The following CNNM4 variants were observed in gnomAD, a reference collection of about 807,000 sequenced individuals.
CNNM4 encodes the protein metal transporter CNNM4.
CNNM4 carries 32 observed loss-of-function variants against 53.7 expected under a neutral mutation model. The observed-to-expected ratio is 0.60, with a 90% confidence interval of 0.45 to 0.80. The LOEUF is 0.80. Among genes scored for constraint, CNNM4 ranks in the 30% least tolerant of loss-of-function variants. The probability of loss-of-function intolerance (pLI) is 0.00; values close to 1 mark genes in which losing one functional copy is unlikely to be tolerated. For missense variants in CNNM4, 784 were observed against 1,022.0 expected (o/e 0.77, Z 3.17); for synonymous variants, 410 against 440.0 (o/e 0.93, Z 0.85).
In CNNM4 at chr2:96,769,355, G is replaced by A. The variant is rs181363377; in HGVS notation, c.1402+6954G>A. ...AGGCTGAGGCAGGTGGATCACCTGAGGTCAGGAGTTCAAGACCAGCCTGAC... is the reference window on the plus strand; with the variant it reads ...AGGCTGAGGCAGGTGGATCACCTGAAGTCAGGAGTTCAAGACCAGCCTGAC... On this transcript the variant is annotated intron_variant, in intron 1 of 6. Coordinates refer to ENST00000377075, the MANE Select transcript of CNNM4 (RefSeq NM_020184.4). Among the ~76,000 whole-genome samples the A allele has an allele frequency of 4.2e-4, 64 of 151,916 alleles. No homozygotes were observed. In the East Asian group the frequency reaches 8.3e-3, roughly 20 times the overall value.
At chr2:96,807,253 C>T (rs141662530) in intron 5 of CNNM4, among the ~76,000 whole-genome samples, 289 of 152,244 alleles carry the variant, frequency 1.9e-3, no homozygotes, top group Non-Finnish European at 3.4e-3. Context: ...AAGCAATCTG[C>T]CCGCATCGGC....
In CNNM4 at chr2:96,801,832, C is replaced by T. The variant is rs188013572; in HGVS notation, c.1948+2184C>T. 1.3e-5 allele frequency among the ~76,000 whole-genome samples: 2 copies of T among 152,086 alleles called. No homozygotes were observed. Among genetic ancestry groups the T allele is most frequent in the East Asian group, 3.9e-4 (2 of 5,182 alleles). Reference sequence around the variant, plus strand: ...ACACACAGAAACACACATGCAGATACACCCATAGACACACAGATGCCACAG... The same window carrying T: ...ACACACAGAAACACACATGCAGATATACCCATAGACACACAGATGCCACAG... On this transcript the variant is annotated intron_variant, in intron 5 of 6. Transcript: ENST00000377075. The surrounding 1 kb of genome is among the most constrained non-coding windows in gnomAD (Gnocchi z 5.6).
At chr2:96,765,798 T>C (rs1162891919) in intron 1 of CNNM4, among the ~76,000 whole-genome samples, 1 of 143,732 alleles carries the variant, frequency 7.0e-6, no homozygotes, top group Non-Finnish European at 1.5e-5. Flanking sequence ...TCTTTCTTTC[T>C]TTTTTTTTTT....
At position 96,799,149 on chromosome 2, in the gene CNNM4, G is replaced by A. The variant is rs751261044; in HGVS notation, c.1774G>A (p.Glu592Lys). The A allele has an allele frequency of 1.3e-5, 21 of 1,613,848 alleles. No individual in the cohort carries two copies. The highest frequency in any genetic ancestry group is 1.6e-5 in the Non-Finnish European group (19 of 1,179,998). ...TGTCATTCAGGAACTCAAGTTTGAC[G>A]AGCACAATAAGTACTACGCCCGCCA... ...PDVIQELKFD[E>K]HNKYYARHYL... The change falls in exon 4 of 7, where the codon GAG becomes AAG. Residue 592 changes from glutamate to lysine, a missense_variant. Physicochemically the swap from Glu to Lys is moderately conservative, Grantham distance 56 (BLOSUM62 1). Around this residue, in one of 3 missense-constraint regions of CNNM4, gnomAD observed 307 missense variants for 376.3 expected, o/e 0.82. Transcript: ENST00000377075.
intron 6 of CNNM4, 73 bp from the exon 7 acceptor site, chr2:96,809,245 CCT>C (rs765407105): frequency 6.3e-7 from 1 of 1,593,614 alleles, no homozygotes; most frequent in African/African-American, 1.3e-5. Flanking sequence ...CAATCCTGGC[CCT>C]GTTTCTCCAG....
chr2:96,799,079 C>G lies in CNNM4; in HGVS notation c.1704C>G (p.Ser568=). 1 of 1,614,178 alleles carries G rather than the reference C, an allele frequency of 6.2e-7. No homozygotes were observed. The highest frequency in any genetic ancestry group is 8.5e-7 in the Non-Finnish European group (1 of 1,180,022). Residue 568 remains serine (S), a synonymous_variant, in exon 4 of 7, where the codon TCC becomes TCG. Coordinates refer to ENST00000377075, the MANE Select transcript of CNNM4 (RefSeq NM_020184.4). ...LATEVSQFSP[S]LISEKILLRL... is the part of the protein sequence containing the mutation. ...CAGAGGTCTCTCAGTTTAGCCCCTC[C>G]CTGATATCAGAGAAGATCCTGCTGC... is the stretch of plus-strand genomic sequence containing the variant.
Position 96,761,337 on chromosome 2 carries a change from A to G in CNNM4, c.338A>G (p.Lys113Arg). Residue 113 changes from lysine to arginine, a missense_variant, in exon 1 of 7, where the codon AAG becomes AGG. By Grantham distance (26) the Lys-to-Arg change is conservative. Coordinates refer to ENST00000377075, the MANE Select transcript of CNNM4 (RefSeq NM_020184.4). This position sits in a 1 kb window ranked among gnomAD's most constrained non-coding sequence, Gnocchi z 6.0. ...TCCACCAGCTGCCTCGAGCTCACCAAGGACCTGGTCGTCCAGCAGCTGGTC... is the reference window on the plus strand; with the variant it reads ...TCCACCAGCTGCCTCGAGCTCACCAGGGACCTGGTCGTCCAGCAGCTGGTC... ...HKSTSCLELTKDLVVQQLVNV... is the reference protein window; with the variant it reads ...HKSTSCLELTRDLVVQQLVNV... 3 of 1,614,090 alleles carry G rather than the reference A, an allele frequency of 1.9e-6. No homozygotes were observed. Among genetic ancestry groups the G allele is most frequent in the Non-Finnish European group, 2.5e-6 (3 of 1,180,034 alleles).
intron 5 of CNNM4, among the ~76,000 whole-genome samples, chr2:96,803,283 C>T (rs2153350602): frequency 6.6e-6 from 1 of 152,256 alleles, no homozygotes; most frequent in Non-Finnish European, 1.5e-5. Context: ...ATTAATTCTC[C>T]ACTTTACGCT....
At chr2:96,781,825 A>G (rs1211320262) in intron 1 of CNNM4, among the ~76,000 whole-genome samples, 1 of 152,128 alleles carries the variant, frequency 6.6e-6, no homozygotes, top group Non-Finnish European at 1.5e-5. Context: ...GCTGTTCTGG[A>G]ACTCCTGGGA....
At chr2:96,771,721 AAAAAAAGAAAG>A (rs1343134188) in intron 1 of CNNM4, among the ~76,000 whole-genome samples, 4 of 152,094 alleles carry the variant, frequency 2.6e-5, no homozygotes, top group Non-Finnish European at 5.9e-5. Flanking sequence ...CTCAAAAAAA[AAAAAAAGAAAG>A]AAAAAAGAAA....
Position 96,799,169 on chromosome 2 carries a change from C to A in CNNM4, c.1794C>A (p.Ala598=). 1.2e-6 allele frequency: 2 copies of A among 1,614,190 alleles called. No individual in the cohort carries two copies. The highest frequency in any genetic ancestry group is 1.7e-6 in the Non-Finnish European group (2 of 1,180,036). Residue 598 remains alanine (A), a synonymous_variant, in exon 4 of 7, where the codon GCC becomes GCA. Transcript: ENST00000377075. ...LKFDEHNKYY[A]RHYLYTRNKP... ...TTGACGAGCACAATAAGTACTACGC[C>A]CGCCATTACCTGTACACCCGAAATA...
chr2:96,773,018 A>C (rs1434472567), intron 1 of CNNM4, among the ~76,000 whole-genome samples: 3 of 152,102 alleles, frequency 2.0e-5, no homozygotes, highest in Non-Finnish European at 2.9e-5. Flanking sequence ...CCACTCACAC[A>C]TGTTCACACC....
chr2:96,771,734 AAAAAG>A (rs1030163302), intron 1 of CNNM4, among the ~76,000 whole-genome samples: 22 of 152,222 alleles, frequency 1.4e-4, no homozygotes, highest in African/African-American at 5.1e-4. Context: ...AAAAGAAAGA[AAAAAG>A]AAAGAAATCC....
intron 1 of CNNM4, among the ~76,000 whole-genome samples, chr2:96,772,815 G>C (rs878064): frequency 0.19 from 18,429 of 98,216 alleles, 2,269 homozygotes; most frequent in African/African-American, 0.39. Context: ...ACTCATACCC[G>C]CACATAGGCA....
intron 1 of CNNM4, among the ~76,000 whole-genome samples, chr2:96,766,403 T>C (rs545081936): frequency 2.0e-5 from 3 of 152,284 alleles, no homozygotes; most frequent in Non-Finnish European, 2.9e-5. Flanking sequence ...CACACCAGGA[T>C]GCTCCCACCA....
At chr2:96,799,746 AGC>A (rs2079142006) in intron 5 of CNNM4, 98 bp downstream of exon 5, 3 of 1,058,374 alleles carry the variant, frequency 2.8e-6, no homozygotes, top group Non-Finnish European at 4.3e-6. Context: ...GAGAGCTCAT[AGC>A]CAGCTGGCTG....
chr2:96,808,354 CA>C lies in CNNM4; in HGVS notation c.1949-205del, dbSNP rs1405442722. 6.6e-6 allele frequency among the ~76,000 whole-genome samples: 1 copy of C among 152,220 alleles called. No individual in the cohort carries two copies. The highest frequency in any genetic ancestry group is 1.5e-5 in the Non-Finnish European group (1 of 68,042). Reference sequence around the variant, plus strand: ...GGTAGACTTTTTAATACTTGTTGCACAATAGTTCTAAACAAACTAATTCATT... The same window carrying C: ...GGTAGACTTTTTAATACTTGTTGCACATAGTTCTAAACAAACTAATTCATT... On this transcript the variant is annotated intron_variant, in intron 5 of 6. Transcript: ENST00000377075. The surrounding 1 kb of genome is among the most constrained non-coding windows in gnomAD (Gnocchi z 4.9).
intron 5 of CNNM4, among the ~76,000 whole-genome samples, chr2:96,802,810 T>G (rs2079171044): frequency 6.6e-6 from 1 of 152,222 alleles, no homozygotes; most frequent in South Asian, 2.1e-4. Flanking sequence ...ATGCTCCTGA[T>G]GCCTGTCCGG....
intron 1 of CNNM4, among the ~76,000 whole-genome samples, chr2:96,771,536 C>G (rs2078869585): frequency 6.6e-6 from 1 of 151,964 alleles, no homozygotes; most frequent in African/African-American, 2.4e-5. Flanking sequence ...GAAACCCTGT[C>G]TCTACTTTTT....
Sources: allele counts gnomAD v4.1 joint callset (sites outside exome capture counted in the v4.1 genomes callset), GRCh38; gene constraint gnomAD v4.1.1; regional missense constraint gnomAD v4.1.1; non-coding constraint Gnocchi (gnomAD v3.1); transcripts MANE v1.5; gene names NCBI Gene and HGNC (gene_info 2026-07-23, HGNC 2026-07-21).